CEP85L: variants seen among roughly 807,000 people sequenced by gnomAD.
CEP85L encodes the protein centrosomal protein 85L.
In CEP85L, 60 loss-of-function variants were observed where a neutral mutation model predicts 100.3. The observed-to-expected ratio is 0.60, with a 90% CI of 0.49 to 0.74. The LOEUF is 0.74. Among genes scored for constraint, CEP85L ranks in the 30% least tolerant of loss-of-function variants. CEP85L has a pLI of 0.00. For synonymous variants in CEP85L, 319 were observed against 322.7 expected (o/e 0.99, Z 0.12); for missense variants, 973 against 936.2 (o/e 1.04, Z -0.51).
At chr6:118,709,224 G>A (rs957496461) in intron 1 of CEP85L, among the ~76,000 whole-genome samples, 2 of 152,118 alleles carry the variant, frequency 1.3e-5, no homozygotes, top group African/African-American at 4.8e-5. Flanking sequence ...CCCAGTCTAA[G>A]TGCTGCCTGG....
intron 3 of CEP85L, among the ~76,000 whole-genome samples, chr6:118,526,449 A>C (rs775164234): frequency 6.6e-6 from 1 of 152,188 alleles, no homozygotes; most frequent in Non-Finnish European, 1.5e-5. Context: ...CAGTCCCGCA[A>C]AATCTTCCCA....
intron 3 of CEP85L, among the ~76,000 whole-genome samples, chr6:118,553,705 G>A (rs1441050207): frequency 1.3e-5 from 2 of 152,108 alleles, no homozygotes; most frequent in Non-Finnish European, 1.5e-5. Context: ...ACAGTTAGCT[G>A]TTGTAGGATT....
chr6:118,475,350 T>TC (rs1773283315), intron 10 of CEP85L, among the ~76,000 whole-genome samples: 2 of 111,852 alleles, frequency 1.8e-5, no homozygotes, highest in Admixed American at 9.3e-5. Context: ...AGGTGACATT[T>TC]TTTTTTTTTT....
chr6:118,519,033 G>A (rs991346314), intron 4 of CEP85L, among the ~76,000 whole-genome samples: 3 of 152,138 alleles, frequency 2.0e-5, no homozygotes, highest in African/African-American at 7.2e-5. Flanking sequence ...CCATGCAGTC[G>A]TGTGGTTTTG....
intron 1 of CEP85L, among the ~76,000 whole-genome samples, chr6:118,650,936 G>C (rs1256604485): frequency 1.3e-5 from 2 of 152,254 alleles, no homozygotes; most frequent in Non-Finnish European, 2.9e-5. Context: ...GCCCAAGCGA[G>C]CTGGAAGTTG....
intron 10 of CEP85L, among the ~76,000 whole-genome samples, chr6:118,473,276 A>G (rs1421476600): frequency 2.0e-5 from 3 of 152,166 alleles, no homozygotes; most frequent in Admixed American, 6.5e-5. Flanking sequence ...AGTATCATGT[A>G]TTAGAATTTG....
chr6:118,652,598 G>A (rs1418461967), upstream of CEP85L: 28 of 1,494,098 alleles, frequency 1.9e-5, no homozygotes, highest in Non-Finnish European at 2.2e-5. Flanking sequence ...GCTAACAAAG[G>A]CCTCATATTT....
chr6:118,502,898 C>A, intron 5 of CEP85L: 1 of 514,318 alleles, frequency 1.9e-6, no homozygotes, highest in Non-Finnish European at 3.7e-6. Flanking sequence ...TCTTGAAGAA[C>A]CTAAAAAGAC....
At chr6:118,579,365 G>GAA (rs561403870) in intron 2 of CEP85L, among the ~76,000 whole-genome samples, 2 of 130,982 alleles carry the variant, frequency 1.5e-5, no homozygotes, top group African/African-American at 2.8e-5. Context: ...AAGCTGGTCA[G>GAA]AAAAAAAAAA....
chr6:118,496,045 T>C (rs1382213361), intron 5 of CEP85L, among the ~76,000 whole-genome samples: 1 of 152,234 alleles, frequency 6.6e-6, no homozygotes, highest in African/African-American at 2.4e-5. Flanking sequence ...ATTGGTCATT[T>C]TGTGTCAGTA....
chr6:118,583,236 T>A (rs1402201934), intron 2 of CEP85L, among the ~76,000 whole-genome samples: 1 of 152,090 alleles, frequency 6.6e-6, no homozygotes, highest in Non-Finnish European at 1.5e-5. Flanking sequence ...CAGACTGCCA[T>A]TACAGCACAG....
chr6:118,666,873 T>G (rs1467172726), intron 1 of CEP85L, among the ~76,000 whole-genome samples: 2 of 152,024 alleles, frequency 1.3e-5, no homozygotes, highest in Non-Finnish European at 2.9e-5. Flanking sequence ...ACCCTGAGAG[T>G]ACATGGGCAT....
At chr6:118,651,666 G>T, upstream of CEP85L, 1 of 991,868 alleles carries the variant, frequency 1.0e-6, no homozygotes, top group Non-Finnish European at 1.2e-6. Context: ...ATGACTTCAG[G>T]CGTGCGCGGC....
intron 1 of CEP85L, among the ~76,000 whole-genome samples, chr6:118,648,202 C>A (rs1175982951): frequency 6.6e-6 from 1 of 152,154 alleles, no homozygotes; most frequent in African/African-American, 2.4e-5. Context: ...TGCAGTGATC[C>A]AAGATCGCAC....
chr6:118,573,416 G>A (rs1262792200), intron 2 of CEP85L, among the ~76,000 whole-genome samples: 1 of 152,186 alleles, frequency 6.6e-6, no homozygotes, highest in Non-Finnish European at 1.5e-5. Context: ...AACTGCTAAA[G>A]TTCCTTGAGT....
intron 6 of CEP85L, 185 bp downstream of exon 6, chr6:118,491,501 C>A: frequency 7.4e-7 from 1 of 1,356,770 alleles, no homozygotes; most frequent in Middle Eastern, 2.7e-4. Flanking sequence ...CATTTCTATC[C>A]TCAAAGAAAA....
intron 3 of CEP85L, among the ~76,000 whole-genome samples, chr6:118,561,758 T>G (rs1779236905): frequency 6.6e-6 from 1 of 152,136 alleles, no homozygotes; most frequent in Non-Finnish European, 1.5e-5. Context: ...ATACTAACGA[T>G]AAAACGCTCT....
rs1203648993 is a variant in CEP85L at position 118,463,922 on chromosome 6, C to T, written c.*1483G>A. On this transcript the variant is annotated 3_prime_UTR_variant, in exon 13 of 13. Transcript: ENST00000368491. ...TAAGAAAAATCTTTCCTAGGAGAGC[C>T]TTTATTCTAGTATATAAGAAAACAG... is the stretch of plus-strand genomic sequence containing the variant. The T allele has an allele frequency of 6.6e-6, 1 of 152,060 alleles. No individual in the cohort carries two copies. The highest frequency in any genetic ancestry group is 1.5e-5 in the Non-Finnish European group (1 of 67,968). 9.4% of individuals were successfully genotyped at this position (152,060 alleles called of 1,614,324 possible). A position where few individuals can be genotyped will look rare whatever the true frequency, so the allele number is the denominator to read the frequency against.
At position 118,578,767 on chromosome 6, in the gene CEP85L, T is replaced by C. The variant is rs1780393414; in HGVS notation, c.233-12451A>G. On this transcript the variant is annotated intron_variant, in intron 2 of 12. Coordinates refer to ENST00000368491, the MANE Select transcript of CEP85L (RefSeq NM_001042475.3). The stretch of plus-strand genomic sequence containing the variant: ...AATAAAAATCCTCTCTTTTGTTCGG[T>C]GTGCTCTCGCGAGCGTGACTGATGC... Among the ~76,000 whole-genome samples the C allele has an allele frequency of 2.0e-5, 3 of 152,306 alleles. No individual in the cohort carries two copies. In the South Asian group the frequency reaches 6.2e-4, roughly 32 times the overall value.
Sources: gnomAD v4.1 joint callset for allele counts (sites outside exome capture counted in the v4.1 genomes callset) on GRCh38, gnomAD v4.1.1 for gene constraint, MANE v1.5 for transcripts, NCBI Gene and HGNC (gene_info 2026-07-23, HGNC 2026-07-21) for gene names.